The following PIDD1 variants were observed in gnomAD, a reference collection of about 807,000 sequenced individuals.
PIDD1 encodes the protein p53-induced death domain protein 1.
PIDD1 carries 72 observed loss-of-function variants against 80.0 expected under a neutral mutation model. The observed-to-expected ratio is 0.90, with a 90% CI of 0.74 to 1.09. PIDD1 has a LOEUF of 1.09. PIDD1 is among the 50% of genes least tolerant of loss of function. PIDD1 has a pLI of 0.00. For synonymous variants in PIDD1, 655 were observed against 543.5 expected (o/e 1.21, Z -2.85); for missense variants, 1,329 against 1,228.3 (o/e 1.08, Z -1.23).
upstream of PIDD1, chr11:805,340 G>A (rs1865714179): frequency 1.8e-6 from 1 of 546,592 alleles, no homozygotes; most frequent in Non-Finnish European, 2.3e-6. Context: ...CACGGGGGAG[G>A]TCTCCCGGCT....
upstream of PIDD1, among the ~76,000 whole-genome samples, chr11:808,111 G>C (rs1276955601): frequency 8.5e-6 from 1 of 116,990 alleles, no homozygotes. Context: ...TAGGTACAGA[G>C]TTTGTTTGGG....
chr11:804,496 C>T lies in PIDD1; in HGVS notation c.-75-33G>A, dbSNP rs1283522730. On this transcript the variant is annotated intron_variant, in intron 1 of 15. Coordinates refer to ENST00000347755, the MANE Select transcript of PIDD1 (RefSeq NM_145886.4). ...GGCAGGAGGAGGAGTGAGCGGGAGC[C>T]GGGGTGGGCCCTTCTCTTTGGGGAA... 15 of 1,452,814 alleles carry T rather than the reference C, an allele frequency of 1.0e-5. No individual in the cohort carries two copies. The East Asian group carries it at 1.2e-4, about 12-fold the overall frequency. 90.0% of individuals were successfully genotyped at this position (1,452,814 alleles called of 1,614,324 possible).
chr11:803,153 CG>C lies in PIDD1; in HGVS notation c.709+20del. 1 of 1,539,436 alleles carries C rather than the reference CG, an allele frequency of 6.5e-7. No homozygotes were observed. The highest frequency in any genetic ancestry group is 1.2e-5 in the South Asian group (1 of 85,456). Reference sequence around the variant, plus strand: ...GGACCCTCCCGTGGGGCCAGTGTGTCGGGGCGCAGGGGCTACTCACCCAGAG... The same window carrying C: ...GGACCCTCCCGTGGGGCCAGTGTGTCGGGCGCAGGGGCTACTCACCCAGAG... On this transcript the variant is annotated intron_variant, in intron 3 of 15. Coordinates refer to ENST00000347755, the MANE Select transcript of PIDD1 (RefSeq NM_145886.4).
In PIDD1 at chr11:804,415, G is replaced by T; in HGVS notation, c.-27C>A. ...GCCCACCGACGGTCCTTGGAGGCCA[G>T]ACATGTCCCAGCACGCAGGCAGGCC... On this transcript the variant is annotated 5_prime_UTR_variant, in exon 2 of 16. It adds an upstream start codon to the 5' untranslated region. Coordinates refer to ENST00000347755, the MANE Select transcript of PIDD1 (RefSeq NM_145886.4). 6.4e-7 allele frequency: 1 copy of T among 1,560,536 alleles called. No individual in the cohort carries two copies.
chr11:799,543 G>A lies in PIDD1; in HGVS notation c.2497C>T (p.Arg833Cys), dbSNP rs746570032. The A allele has an allele frequency of 5.4e-5, 87 of 1,601,650 alleles. No homozygotes were observed. The highest frequency in any genetic ancestry group is 4.9e-4 in the Middle Eastern group (3 of 6,072). ...TCAGCCCAGGAGAAGAGCATGTGAC[G>A]GATCTGCTCATCCAGATCATCCCTG... ...EFRDDLDEQI[R>C]HMLFSWAERQ... The change falls in exon 16 of 16, where the codon CGT becomes TGT. Residue 833 changes from arginine (R) to cysteine (C), a missense_variant. Physicochemically the swap from Arg to Cys is radical, Grantham distance 180. Coordinates refer to ENST00000347755, the MANE Select transcript of PIDD1 (RefSeq NM_145886.4).
chr11:805,183 G>C lies in PIDD1; in HGVS notation c.-80C>G. The C allele has an allele frequency of 2.0e-6, 2 of 983,570 alleles. No individual in the cohort carries two copies. The highest frequency in any genetic ancestry group is 2.4e-6 in the Non-Finnish European group (2 of 828,406). 60.9% of individuals were successfully genotyped at this position (983,570 alleles called of 1,614,324 possible). ...CCCGCCCAGGCCGGCGCGTACCTGC[G>C]CTGCAGGCGGCGCGCAAAGGGTGGC... is the stretch of plus-strand genomic sequence containing the variant. On this transcript the variant is annotated 5_prime_UTR_variant, in exon 1 of 16. Transcript: ENST00000347755.
In PIDD1 at chr11:803,489, G is replaced by C; in HGVS notation, c.394C>G (p.Leu132Val). 3 of 1,613,684 alleles carry C rather than the reference G, an allele frequency of 1.9e-6. No individual in the cohort carries two copies. Among genetic ancestry groups the C allele is most frequent in the Non-Finnish European group, 2.5e-6 (3 of 1,180,022 alleles). ...SGLAHLAHLD[L>V]SFNSLETLPA... The stretch of plus-strand genomic sequence containing the variant: ...AGTGTCTCCAGGCTGTTGAAGCTCA[G>C]GTCCAGGTGGGCCAGATGGGCCAGG... Residue 132 changes from leucine (L) to valine (V), a missense_variant, in exon 3 of 16, where the codon CTG (leucine) becomes GTG (valine). Coordinates refer to ENST00000347755, the MANE Select transcript of PIDD1 (RefSeq NM_145886.4).
In PIDD1 at chr11:799,976, G is replaced by A; in HGVS notation, c.2313C>T (p.Gly771=). ...CCAGATTCAAGGGTGCCAAGGAGAG[G>A]CCAGCCCCCCGCCGTGGCCCCTCGG... ...RGSEGPRRGA[G]LSLAPLNLGD... is the part of the protein sequence containing the mutation. The change falls in exon 15 of 16, where the codon GGC becomes GGT. Residue 771 remains glycine (G), a synonymous_variant. Transcript: ENST00000347755. 6.2e-7 allele frequency: 1 copy of A among 1,612,816 alleles called. No individual in the cohort carries two copies. The highest frequency in any genetic ancestry group is 8.5e-7 in the Non-Finnish European group (1 of 1,179,926).
rs1011220202 is a variant in PIDD1, at chr11:803,634, G to A, written c.296-47C>T. On this transcript the variant is annotated intron_variant, in intron 2 of 15. Transcript: ENST00000347755. ...GTGGCCCTCAGAGCCAGGGTCCGAG[G>A]TCCCAGATCGACCCTGCCAGCCAGA... The A allele has an allele frequency of 1.2e-5, 18 of 1,555,916 alleles. No individual in the cohort carries two copies. The Middle Eastern group carries it at 1.0e-3, about 89-fold the overall frequency.
In PIDD1 at chr11:801,464, G is replaced by T; in HGVS notation, c.1463C>A (p.Pro488His). The change falls in exon 8 of 16, where the codon CCT (proline) becomes CAT (histidine). Residue 488 changes from proline to histidine, a missense_variant. Transcript: ENST00000347755. Reference protein sequence around the residue: ...VIFPPGATEEPRRVSMQVVRM... With the variant: ...VIFPPGATEEHRRVSMQVVRM... ...CCATACCTGCATGGAGACTCGACGAGGCTCCTCAGTGGCCCCAGGGGGGAA... is the reference window on the plus strand; with the variant it reads ...CCATACCTGCATGGAGACTCGACGATGCTCCTCAGTGGCCCCAGGGGGGAA... 1 of 1,545,750 alleles carries T rather than the reference G, an allele frequency of 6.5e-7. No individual in the cohort carries two copies. The highest frequency in any genetic ancestry group is 8.7e-7 in the Non-Finnish European group (1 of 1,143,452).
chr11:799,344 G>C lies in PIDD1; in HGVS notation c.2696C>G (p.Ser899Cys). 6.2e-7 allele frequency: 1 copy of C among 1,609,672 alleles called. No homozygotes were observed. The highest frequency in any genetic ancestry group is 8.5e-7 in the Non-Finnish European group (1 of 1,179,096). Residue 899 changes from serine (S) to cysteine (C), a missense_variant, in exon 16 of 16, where the codon TCC (serine) becomes TGC (cysteine). Ser to Cys is a moderately radical substitution (Grantham distance 112). Transcript: ENST00000347755. ...LAPKDPALPGSSAPQPPEPAQ... is the reference protein window; with the variant it reads ...LAPKDPALPGCSAPQPPEPAQ... The stretch of plus-strand genomic sequence containing the variant: ...AGGCTCTGGGGGCTGTGGAGCCGAG[G>C]AGCCAGGCAGAGCGGGGTCCTTGGG...
At position 802,370 on chromosome 11, in the gene PIDD1, G is replaced by A; in HGVS notation, c.1001C>T (p.Ser334Leu). ...GCGGACGCCACAGGCCAGGGTCACT[G>A]AGCAGCCTTGAGGGGTCACAGGAAA... is the stretch of plus-strand genomic sequence containing the variant. The part of the protein sequence containing the change: ...DSFPVTPQGC[S>L]VTLACGVRLQ... Residue 334 changes from serine to leucine, a missense_variant, in exon 6 of 16, where the codon TCA (serine) becomes TTA (leucine). Ser to Leu is a moderately radical substitution (Grantham distance 145). Coordinates refer to ENST00000347755, the MANE Select transcript of PIDD1 (RefSeq NM_145886.4). The A allele has an allele frequency of 1.9e-6, 3 of 1,612,120 alleles. No homozygotes were observed. Among genetic ancestry groups the A allele is most frequent in the Non-Finnish European group, 2.5e-6 (3 of 1,179,872 alleles).
chr11:802,272 G>C lies in PIDD1; in HGVS notation c.1099C>G (p.Leu367Val). Residue 367 changes from leucine (L) to valine (V), a missense_variant, in exon 6 of 16, where the codon CTC becomes GTC. Leu to Val is a conservative substitution (Grantham distance 32). Coordinates refer to ENST00000347755, the MANE Select transcript of PIDD1 (RefSeq NM_145886.4). ...RYRLLLPEPG[L>V]VPLGPHDALL... ...GCGTCATGAGGACCCAGGGGGACGA[G>C]GCCTGGCTCCGGCAGCAGCAGCCGA... The C allele has an allele frequency of 1.2e-6, 2 of 1,611,928 alleles. No individual in the cohort carries two copies. The highest frequency in any genetic ancestry group is 2.2e-5 in the East Asian group (1 of 44,876).
At chr11:800,273 T>G (rs1590135160) in intron 13 of PIDD1, 29 bp from the exon 14 acceptor site, 1 of 1,611,750 alleles carries the variant, frequency 6.2e-7, no homozygotes, top group East Asian at 2.2e-5. Flanking sequence ...GGGTTCGGAG[T>G]TCGGTCCTCT....
chr11:801,459 G>T lies in PIDD1; in HGVS notation c.1468C>A (p.Arg490=). The T allele has an allele frequency of 6.5e-7, 1 of 1,545,110 alleles. No individual in the cohort carries two copies. The highest frequency in any genetic ancestry group is 8.7e-7 in the Non-Finnish European group (1 of 1,142,994). The part of the protein sequence containing the change: ...FPPGATEEPR[R]VSMQVVRMAG... ...CCTGGCCATACCTGCATGGAGACTCGACGAGGCTCCTCAGTGGCCCCAGGG... is the reference window on the plus strand; with the variant it reads ...CCTGGCCATACCTGCATGGAGACTCTACGAGGCTCCTCAGTGGCCCCAGGG... Residue 490 remains arginine, a synonymous_variant, in exon 8 of 16, where the codon CGA becomes AGA. Transcript: ENST00000347755.
At position 804,253 on chromosome 11, in the gene PIDD1, C is replaced by T. The variant is rs1458035402; in HGVS notation, c.136G>A (p.Gly46Ser). Residue 46 changes from glycine to serine, a missense_variant, in exon 2 of 16, where the codon GGC (glycine) becomes AGC (serine). Transcript: ENST00000347755. Reference sequence around the variant, plus strand: ...CACAGGTGCAGCAGCTGCTGGCAGCCCCCGGGGTACAGGTCCAAGCTCAGC... The same window carrying T: ...CACAGGTGCAGCAGCTGCTGGCAGCTCCCGGGGTACAGGTCCAAGCTCAGC... ...NRLSLDLYPG[G>S]CQQLLHLCVQ... 1.2e-6 allele frequency: 2 copies of T among 1,613,066 alleles called. No individual in the cohort carries two copies. The highest frequency in any genetic ancestry group is 1.7e-6 in the Non-Finnish European group (2 of 1,179,986).
rs1310108753 is a variant in PIDD1 at position 803,168 on chromosome 11, A to T, written c.709+6T>A. Reference sequence around the variant, plus strand: ...GCCAGTGTGTCGGGGCGCAGGGGCTACTCACCCAGAGAGGCTGGGAGGCTC... The same window carrying T: ...GCCAGTGTGTCGGGGCGCAGGGGCTTCTCACCCAGAGAGGCTGGGAGGCTC... On this transcript the variant is annotated splice_donor_region_variant and intron_variant, in intron 3 of 15. Coordinates refer to ENST00000347755, the MANE Select transcript of PIDD1 (RefSeq NM_145886.4). 6 of 1,588,022 alleles carry T rather than the reference A, an allele frequency of 3.8e-6. No individual in the cohort carries two copies. The highest frequency in any genetic ancestry group is 5.1e-6 in the Non-Finnish European group (6 of 1,165,522).
At chr11:803,972 C>G (rs1193269264) in intron 2 of PIDD1, 122 bp downstream of exon 2, 2 of 1,101,232 alleles carry the variant, frequency 1.8e-6, no homozygotes, top group Non-Finnish European at 2.6e-6. Context: ...CAGTTCACAC[C>G]TGGGGAGCCG....
chr11:802,282 C>T lies in PIDD1; in HGVS notation c.1089G>A (p.Pro363=), dbSNP rs763280608. Residue 363 remains proline (P), a synonymous_variant, in exon 6 of 16, where the codon CCG becomes CCA. Transcript: ENST00000347755. The part of the protein sequence containing the change: ...PITIRYRLLL[P]EPGLVPLGPH... ...GACCCAGGGGGACGAGGCCTGGCTC[C>T]GGCAGCAGCAGCCGATAGCGGATGG... 2.2e-5 allele frequency: 36 copies of T among 1,611,660 alleles called. No individual in the cohort carries two copies. The highest frequency in any genetic ancestry group is 8.9e-5 in the East Asian group (4 of 44,882).
Sources: gnomAD v4.1 joint callset for allele counts (sites outside exome capture counted in the v4.1 genomes callset) on GRCh38, gnomAD v4.1.1 for gene constraint, MANE v1.5 for transcripts, NCBI Gene and HGNC (gene_info 2026-07-23, HGNC 2026-07-21) for gene names.